FTO: variants seen among roughly 807,000 people sequenced by gnomAD.
FTO encodes the protein FTO alpha-ketoglutarate dependent dioxygenase.
FTO carries 47 observed loss-of-function variants against 63.9 expected under a neutral mutation model. That is an observed-to-expected ratio of 0.74 (90% CI 0.58 to 0.94). The LOEUF is 0.94. Among genes scored for constraint, FTO ranks in the 40% least tolerant of loss-of-function variants. The pLI, the probability that FTO is intolerant of heterozygous loss-of-function variation, is 0.00. For missense variants in FTO, 562 were observed against 618.1 expected (o/e 0.91, Z 0.96); for synonymous variants, 207 against 224.4 (o/e 0.92, Z 0.69).
At chr16:53,765,717 G>A (rs1314928791) in intron 1 of FTO, among the ~76,000 whole-genome samples, 1 of 152,120 alleles carries the variant, frequency 6.6e-6, no homozygotes, top group Non-Finnish European at 1.5e-5. Context: ...GATGACAAGG[G>A]CATACATTTC....
intron 1 of FTO, among the ~76,000 whole-genome samples, chr16:53,740,900 A>G (rs2076514045): frequency 6.6e-6 from 1 of 152,266 alleles, no homozygotes; most frequent in Non-Finnish European, 1.5e-5. Context: ...TTTACTTTCC[A>G]AACAACATAA....
rs189103674 is a variant in FTO at position 53,862,981 on chromosome 16, C to A, written c.896-10805C>A. ...AGGAGAATCTCTTGAGTTCACTCATCCAGCTCAGTAATTTGGTTTTTCTGC... is the reference window on the plus strand; with the variant it reads ...AGGAGAATCTCTTGAGTTCACTCATACAGCTCAGTAATTTGGTTTTTCTGC... On this transcript the variant is annotated intron_variant, in intron 4 of 8. Coordinates refer to ENST00000471389, the MANE Select transcript of FTO (RefSeq NM_001080432.3). Among the ~76,000 whole-genome samples, 122 of 152,316 alleles carry A rather than the reference C, an allele frequency of 8.0e-4. 1 individual carries two copies. The highest frequency in any genetic ancestry group is 5.9e-5 in the Non-Finnish European group (4 of 68,040).
Position 54,100,823 on chromosome 16 carries a change from G to A in FTO, c.1365-10939G>A, listed in dbSNP as rs549148460. On this transcript the variant is annotated intron_variant, in intron 8 of 8. Coordinates refer to ENST00000471389, the MANE Select transcript of FTO (RefSeq NM_001080432.3). ...GCGGTTTTGAGAGGGACAGGAGAAA[G>A]GCAGTGCTGTGAGGATCACACATGC... Among the ~76,000 whole-genome samples the A allele has an allele frequency of 2.5e-3, 375 of 152,318 alleles. 2 individuals carry two copies. Among genetic ancestry groups the A allele is most frequent in the Non-Finnish European group, 4.0e-3 (273 of 68,032 alleles).
intron 8 of FTO, among the ~76,000 whole-genome samples, chr16:53,976,543 G>A (rs753892035): frequency 3.3e-5 from 5 of 151,614 alleles, no homozygotes; most frequent in East Asian, 3.9e-4. Flanking sequence ...AGAAAATTTC[G>A]TTAACTGTTT....
intron 1 of FTO, among the ~76,000 whole-genome samples, chr16:53,800,684 T>C (rs1465561047): frequency 6.6e-6 from 1 of 152,188 alleles, no homozygotes; most frequent in African/African-American, 2.4e-5. Flanking sequence ...TTAAGATTTT[T>C]ATGTTCTTGA....
chr16:53,854,609 T>C (rs2079922951), intron 4 of FTO, among the ~76,000 whole-genome samples: 1 of 152,230 alleles, frequency 6.6e-6, no homozygotes, highest in Non-Finnish European at 1.5e-5. Context: ...TGGCTTTATT[T>C]ATGGCTTCTC....
chr16:54,111,967 C>A lies in FTO; in HGVS notation c.*52C>A. Reference sequence around the variant, plus strand: ...GAAAAAGAGATCGGCTTTTCTCCTCCAACGTTGTCATGGGCTTAAGCAAGA... The same window carrying A: ...GAAAAAGAGATCGGCTTTTCTCCTCAAACGTTGTCATGGGCTTAAGCAAGA... On this transcript the variant is annotated 3_prime_UTR_variant, in exon 9 of 9. Coordinates refer to ENST00000471389, the MANE Select transcript of FTO (RefSeq NM_001080432.3). 1 of 1,602,616 alleles carries A rather than the reference C, an allele frequency of 6.2e-7. No homozygotes were observed. The highest frequency in any genetic ancestry group is 8.5e-7 in the Non-Finnish European group (1 of 1,170,654).
intron 8 of FTO, among the ~76,000 whole-genome samples, chr16:53,987,358 A>G (rs1238595541): frequency 1.3e-5 from 2 of 152,148 alleles, no homozygotes; most frequent in East Asian, 3.9e-4. Flanking sequence ...AGACAGGTGG[A>G]TCACCTGAGG....
chr16:53,757,249 C>G (rs570923659), intron 1 of FTO, among the ~76,000 whole-genome samples: 3 of 152,214 alleles, frequency 2.0e-5, no homozygotes, highest in Non-Finnish European at 2.9e-5. Flanking sequence ...AATCTACTTT[C>G]TTAGCAATTT....
chr16:53,742,348 A>G (rs2151543821), intron 1 of FTO, among the ~76,000 whole-genome samples: 1 of 152,300 alleles, frequency 6.6e-6, no homozygotes, highest in East Asian at 1.9e-4. Flanking sequence ...CCTAGCTGCA[A>G]GAAAGTCTGG....
chr16:53,897,289 G>C (rs1023765000), intron 7 of FTO, among the ~76,000 whole-genome samples: 5 of 151,916 alleles, frequency 3.3e-5, no homozygotes, highest in Non-Finnish European at 7.4e-5. Context: ...AAAAATCTCA[G>C]GCAGATCATC....
At chr16:53,744,758 A>T (rs1440565880) in intron 1 of FTO, among the ~76,000 whole-genome samples, 11 of 152,162 alleles carry the variant, frequency 7.2e-5, no homozygotes, top group South Asian at 2.1e-4. Flanking sequence ...CCTAGACAAG[A>T]TGGAAAGCTT....
At chr16:53,705,070 A>C (rs950098077) in intron 1 of FTO, among the ~76,000 whole-genome samples, 2 of 151,352 alleles carry the variant, frequency 1.3e-5, no homozygotes, top group South Asian at 2.1e-4. Context: ...TTATCTTTTT[A>C]ATAGACTGTT....
At chr16:53,859,323 T>C (rs1030703172) in intron 4 of FTO, among the ~76,000 whole-genome samples, 1 of 152,090 alleles carries the variant, frequency 6.6e-6, no homozygotes, top group Non-Finnish European at 1.5e-5. Context: ...CAATTTTCCA[T>C]TAGCAATTAA....
At chr16:54,062,525 C>T (rs971865864) in intron 8 of FTO, among the ~76,000 whole-genome samples, 7 of 152,222 alleles carry the variant, frequency 4.6e-5, no homozygotes, top group Admixed American at 3.3e-4. Flanking sequence ...CTGCAGTTAA[C>T]TCTAGCCCCG....
chr16:53,961,138 G>T (rs976809602), intron 8 of FTO, among the ~76,000 whole-genome samples: 1 of 151,844 alleles, frequency 6.6e-6, no homozygotes, highest in African/African-American at 2.4e-5. Flanking sequence ...GCCATCAGAG[G>T]CTCTCCTTTT....
intron 8 of FTO, among the ~76,000 whole-genome samples, chr16:54,041,648 G>C (rs1460430354): frequency 6.6e-6 from 1 of 152,128 alleles, no homozygotes; most frequent in African/African-American, 2.4e-5. Context: ...GAGTCCATAG[G>C]GGGCAAAGGT....
chr16:53,958,219 G>A (rs1731945137), intron 8 of FTO, among the ~76,000 whole-genome samples: 1 of 152,216 alleles, frequency 6.6e-6, no homozygotes, highest in African/African-American at 2.4e-5. Context: ...CCCACTTAGA[G>A]AAGGTTAACC....
intron 8 of FTO, among the ~76,000 whole-genome samples, chr16:53,980,419 T>A (rs1442690152): frequency 2.0e-5 from 3 of 152,236 alleles, no homozygotes; most frequent in Non-Finnish European, 4.4e-5. Flanking sequence ...ATGTGGACTC[T>A]AAGCTAAGGA....
Sources: gnomAD v4.1 joint callset for allele counts (sites outside exome capture counted in the v4.1 genomes callset) on GRCh38, gnomAD v4.1.1 for gene constraint, MANE v1.5 for transcripts, NCBI Gene and HGNC (gene_info 2026-07-23, HGNC 2026-07-21) for gene names.